Variants in ZNF385D observed in about 807,000 individuals in gnomAD.
ZNF385D encodes the protein zinc finger protein 385D.
In ZNF385D, 15 loss-of-function variants were observed where a neutral mutation model predicts 35.8. That is an observed-to-expected ratio of 0.42 (90% CI 0.28 to 0.64). The LOEUF is 0.64. ZNF385D is among the 30% of genes least tolerant of loss of function. The pLI, the probability that ZNF385D is intolerant of heterozygous loss-of-function variation, is 0.23. For missense variants in ZNF385D, 474 were observed against 494.6 expected, an observed-to-expected ratio of 0.96 and a Z score of 0.39; for synonymous variants, 212 against 186.8, an observed-to-expected ratio of 1.13 and a Z score of -1.10.
At chr3:22,135,150 G>A (rs527874346) in intron 3 of ZNF385D, among the ~76,000 whole-genome samples, 13 of 152,116 alleles carry the variant, frequency 8.5e-5, no homozygotes, top group African/African-American at 2.9e-4. Context: ...GTATAAAGAA[G>A]CAAGAAAAGA....
At chr3:22,142,775 T>C (rs1024606087) in intron 3 of ZNF385D, among the ~76,000 whole-genome samples, 3 of 152,110 alleles carry the variant, frequency 2.0e-5, no homozygotes, top group Admixed American at 6.5e-5. Context: ...GTAGGTCACA[T>C]GGGTCTGCCT....
chr3:22,361,329 A>T (rs972312634), intron 2 of ZNF385D, among the ~76,000 whole-genome samples: 2 of 152,108 alleles, frequency 1.3e-5, no homozygotes, highest in African/African-American at 2.4e-5. Flanking sequence ...GAATGTAATA[A>T]GTAGCATTAA....
At chr3:21,755,342 T>G (rs148048452), upstream of ZNF385D, among the ~76,000 whole-genome samples, 1 of 152,204 alleles carries the variant, frequency 6.6e-6, no homozygotes, top group East Asian at 1.9e-4. Flanking sequence ...CTTCACTGTT[T>G]CCGTATTTTA....
At chr3:22,111,182 T>TTTTTTTTTTTTC (rs1559377197) in intron 3 of ZNF385D, among the ~76,000 whole-genome samples, 1 of 132,214 alleles carries the variant, frequency 7.6e-6, no homozygotes, top group Non-Finnish European at 1.6e-5. Context: ...TTTTTGTTTT[T>TTTTTTTTTTTTC]TTTGTACTCT....
rs190302468 is a variant in ZNF385D at position 21,927,730 on chromosome 3, T to C, written c.325+241087A>G. 1.7e-4 allele frequency among the ~76,000 whole-genome samples: 26 copies of C among 152,342 alleles called. No individual in the cohort carries two copies. The East Asian group carries it at 4.6e-3, about 27-fold the overall frequency. On this transcript the variant is annotated intron_variant, in intron 3 of 5. Transcript: ENST00000494108. ...ATAGACTTCAAGACAAAAATGTTAC[T>C]AGAGACAGTGATGTTTATAATAAAC...
At chr3:21,699,094 T>G (rs1395863474) in intron 1 of ZNF385D, among the ~76,000 whole-genome samples, 1 of 152,102 alleles carries the variant, frequency 6.6e-6, no homozygotes, top group Non-Finnish European at 1.5e-5. Flanking sequence ...AACCCAAATG[T>G]CCATCAATGA....
At chr3:21,733,991 G>T (rs1048469986) in intron 1 of ZNF385D, among the ~76,000 whole-genome samples, 1 of 151,520 alleles carries the variant, frequency 6.6e-6, no homozygotes, top group African/African-American at 2.4e-5. Context: ...TGTTTTTTTG[G>T]TATATTTTAG....
chr3:21,772,669 A>G (rs899146741), intron 3 of ZNF385D, among the ~76,000 whole-genome samples: 6 of 151,954 alleles, frequency 3.9e-5, no homozygotes, highest in African/African-American at 1.4e-4. Context: ...AAAATTAAAA[A>G]TGGGATTACC....
chr3:21,821,578 G>GA (rs923568260), intron 3 of ZNF385D, among the ~76,000 whole-genome samples: 1 of 152,082 alleles, frequency 6.6e-6, no homozygotes, highest in Non-Finnish European at 1.5e-5. Flanking sequence ...ACATCAGAAA[G>GA]AAAAAATTTA....
chr3:22,150,793 A>T (rs1042530819), intron 3 of ZNF385D, among the ~76,000 whole-genome samples: 4 of 152,158 alleles, frequency 2.6e-5, no homozygotes, highest in Admixed American at 2.6e-4. Flanking sequence ...GCTTAATCTG[A>T]TGTATATTCA....
chr3:22,352,570 T>C (rs779174355), intron 2 of ZNF385D, among the ~76,000 whole-genome samples: 1 of 152,184 alleles, frequency 6.6e-6, no homozygotes, highest in Non-Finnish European at 1.5e-5. Context: ...CCCTAACACA[T>C]TTTTAGTGAG....
chr3:22,269,408 C>T (rs1432713105), intron 2 of ZNF385D, among the ~76,000 whole-genome samples: 2 of 151,884 alleles, frequency 1.3e-5, no homozygotes, highest in African/African-American at 2.4e-5. Context: ...AAAATAGGCA[C>T]TTTCTAGAAA....
intron 2 of ZNF385D, among the ~76,000 whole-genome samples, chr3:21,581,818 G>C (rs145316464): frequency 6.6e-6 from 1 of 152,214 alleles, no homozygotes; most frequent in African/African-American, 2.4e-5. Flanking sequence ...TGTATACTAA[G>C]AATCACCTTG....
intron 3 of ZNF385D, chr3:21,511,629 A>G (rs1188978371): frequency 2.2e-6 from 1 of 453,524 alleles, no homozygotes; most frequent in East Asian, 7.0e-5. Context: ...TACCAAGGGT[A>G]GTCTGAGAAG....
At chr3:22,210,868 A>C (rs997035587) in intron 2 of ZNF385D, among the ~76,000 whole-genome samples, 1 of 151,968 alleles carries the variant, frequency 6.6e-6, no homozygotes, top group Admixed American at 6.6e-5. Context: ...AAATTATCTA[A>C]ACATCAATTT....
intron 1 of ZNF385D, among the ~76,000 whole-genome samples, chr3:21,686,342 T>C (rs2125329382): frequency 6.6e-6 from 1 of 152,274 alleles, no homozygotes; most frequent in South Asian, 2.1e-4. Context: ...GATATAAATA[T>C]TGTACTTTGT....
intron 3 of ZNF385D, among the ~76,000 whole-genome samples, chr3:22,036,373 A>G (rs1235226140): frequency 6.6e-6 from 1 of 152,176 alleles, no homozygotes; most frequent in Non-Finnish European, 1.5e-5. Flanking sequence ...GAGACAAATG[A>G]TTGGAATATG....
intron 3 of ZNF385D, among the ~76,000 whole-genome samples, chr3:22,162,362 A>G (rs952203674): frequency 2.6e-5 from 4 of 152,204 alleles, no homozygotes; most frequent in Admixed American, 2.0e-4. Flanking sequence ...AATCTACATT[A>G]GTAAAGTAAA....
chr3:22,172,584 G>A (rs1051667643), intron 2 of ZNF385D, among the ~76,000 whole-genome samples: 3 of 152,012 alleles, frequency 2.0e-5, no homozygotes, highest in South Asian at 2.1e-4. Context: ...TCTAACCCAC[G>A]CCACCCCTGG....
Sources: gnomAD v4.1 joint callset for allele counts (sites outside exome capture counted in the v4.1 genomes callset) on GRCh38, gnomAD v4.1.1 for gene constraint, MANE v1.5 for transcripts, NCBI Gene and HGNC (gene_info 2026-07-23, HGNC 2026-07-21) for gene names.